The following CHAF1A variants were observed in gnomAD, a reference collection of about 807,000 sequenced individuals.
CHAF1A encodes CAF-1 subunit A.
In CHAF1A, 5 loss-of-function variants were observed where a neutral mutation model predicts 93.2. The observed-to-expected ratio is 0.05, with a 90% CI of 0.03 to 0.11. The LOEUF (loss-of-function observed/expected upper bound fraction) is 0.11. CHAF1A is among the 10% of genes least tolerant of loss of function. The pLI, the probability that CHAF1A is intolerant of heterozygous loss-of-function variation, is 1.00. For synonymous variants in CHAF1A, 504 were observed against 510.3 expected, an observed-to-expected ratio of 0.99 and a Z score of 0.17; for missense variants, 1,102 against 1,259.9, an observed-to-expected ratio of 0.87 and a Z score of 1.90.
intron 13 of CHAF1A, among the ~76,000 whole-genome samples, chr19:4,436,146 AAAAAAG>A (rs1332255453): frequency 3.1e-4 from 47 of 149,980 alleles, no homozygotes; most frequent in African/African-American, 6.8e-4. Flanking sequence ...TCCCCCAAAA[AAAAAAG>A]AAAAGAAAAG....
chr19:4,440,350 G>C (rs1482822006), intron 13 of CHAF1A, among the ~76,000 whole-genome samples: 1 of 150,916 alleles, frequency 6.6e-6, no homozygotes, highest in African/African-American at 2.4e-5. Flanking sequence ...CTCACACCTT[G>C]TCATCCCAGC....
chr19:4,430,939 T>C, intron 11 of CHAF1A: 1 of 396,404 alleles, frequency 2.5e-6, no homozygotes, highest in Non-Finnish European at 4.7e-6. Flanking sequence ...CGAGCTGACA[T>C]ACAGTCAGCA....
downstream of CHAF1A, chr19:4,446,711 C>T (rs1048806686): frequency 7.9e-5 from 127 of 1,608,626 alleles, no homozygotes; most frequent in Non-Finnish European, 1.0e-4. Flanking sequence ...TAGAACTCCT[C>T]GGGGTCCTCT....
intron 2 of CHAF1A, among the ~76,000 whole-genome samples, chr19:4,408,109 C>T (rs1027946142): frequency 1.3e-4 from 20 of 151,358 alleles, no homozygotes; most frequent in African/African-American, 4.9e-4. Flanking sequence ...TGGGCTCAAG[C>T]GATCCTCCTG....
chr19:4,405,249 TA>T (rs757017226), intron 1 of CHAF1A, among the ~76,000 whole-genome samples: 26 of 152,290 alleles, frequency 1.7e-4, no homozygotes, highest in Non-Finnish European at 3.4e-4. Context: ...AGAGACGTAA[TA>T]AACACGAAAG....
chr19:4,432,374 A>C (rs989658634), intron 12 of CHAF1A, among the ~76,000 whole-genome samples, 167 bp downstream of exon 12: 1 of 152,124 alleles, frequency 6.6e-6, no homozygotes. Context: ...TGATGTCCCT[A>C]GCAGCAGGAC....
chr19:4,448,418 G>T (rs1390656689), downstream of CHAF1A: 1 of 1,603,274 alleles, frequency 6.2e-7, no homozygotes, highest in Admixed American at 1.7e-5. Context: ...GAGAAGTGCT[G>T]GGAGGAGGGA....
chr19:4,433,575 G>T lies in CHAF1A; in HGVS notation c.2673+36G>T, dbSNP rs529206634. On this transcript the variant is annotated intron_variant, in intron 13 of 14. Coordinates refer to ENST00000301280, the MANE Select transcript of CHAF1A (RefSeq NM_005483.3). This position sits in a 1 kb window ranked among gnomAD's most constrained non-coding sequence, Gnocchi z 5.6. The stretch of plus-strand genomic sequence containing the variant: ...GTGGGCAGGTGGGGGCCTCTGCAGG[G>T]CTTTTCTTTTTTTGTTTGTTTTTTG... 26 of 1,463,070 alleles carry T rather than the reference G, an allele frequency of 1.8e-5. No homozygotes were observed. The African/African-American group carries it at 3.0e-4, about 17-fold the overall frequency. 90.6% of individuals were successfully genotyped at this position (1,463,070 alleles called of 1,614,324 possible).
At chr19:4,438,662 A>G (rs1337241448) in intron 13 of CHAF1A, among the ~76,000 whole-genome samples, 1 of 152,232 alleles carries the variant, frequency 6.6e-6, no homozygotes, top group Non-Finnish European at 1.5e-5. Context: ...CTTGCCAACA[A>G]AACATTATGT....
chr19:4,417,959 C>G, intron 3 of CHAF1A, 61 bp from the exon 4 acceptor site: 1 of 1,250,398 alleles, frequency 8.0e-7, no homozygotes, highest in Non-Finnish European at 1.1e-6. Flanking sequence ...GGAAAGGTTT[C>G]TCTTTTTCTC....
chr19:4,405,801 A>G, intron 1 of CHAF1A, 111 bp from the exon 2 acceptor site: 2 of 888,482 alleles, frequency 2.3e-6, no homozygotes, highest in Non-Finnish European at 3.7e-6. Context: ...CCCCGAGGAC[A>G]GAGGGGTCAG....
In CHAF1A at chr19:4,442,976, T is replaced by C; in HGVS notation, c.2822T>C (p.Val941Ala). 1 of 1,604,088 alleles carries C rather than the reference T, an allele frequency of 6.2e-7. No individual in the cohort carries two copies. Among genetic ancestry groups the C allele is most frequent in the Non-Finnish European group, 8.5e-7 (1 of 1,176,140 alleles). The part of the protein sequence containing the change: ...AASGAGGGVG[V>A]DTGKATLTAS... Reference sequence around the variant, plus strand: ...TCCGGAGCTGGGGGTGGTGTGGGGGTGGACACCGGCAAGGCCACCCTGACC... The same window carrying C: ...TCCGGAGCTGGGGGTGGTGTGGGGGCGGACACCGGCAAGGCCACCCTGACC... The change falls in exon 15 of 15, where the codon GTG becomes GCG. Residue 941 changes from valine to alanine, a missense_variant. By Grantham distance (64) the Val-to-Ala change is moderately conservative. Around this residue, in one of 6 missense-constraint regions of CHAF1A, gnomAD observed 119 missense variants for 102.2 expected, o/e 1.16. Coordinates refer to ENST00000301280, the MANE Select transcript of CHAF1A (RefSeq NM_005483.3).
rs149641881 is a variant in CHAF1A at position 4,429,444 on chromosome 19, C to T, written c.1611C>T (p.Val537=). 1.4e-5 allele frequency: 22 copies of T among 1,613,452 alleles called. No individual in the cohort carries two copies. The highest frequency in any genetic ancestry group is 6.7e-5 in the African/African-American group (5 of 74,822). ...TRNADIFNSD[V]VIVERGKGDG... ...CTGGGGTTTTCCTTCTCAGTGATGTCGTCATCGTGGAGCGTGGGAAGGGCG... is the reference window on the plus strand; with the variant it reads ...CTGGGGTTTTCCTTCTCAGTGATGTTGTCATCGTGGAGCGTGGGAAGGGCG... Residue 537 remains valine (V), a synonymous_variant, in exon 9 of 15, where the codon GTC becomes GTT. Transcript: ENST00000301280.
At chr19:4,440,587 A>G (rs760378241) in intron 13 of CHAF1A, among the ~76,000 whole-genome samples, 6 of 152,020 alleles carry the variant, frequency 3.9e-5, no homozygotes, top group Non-Finnish European at 5.9e-5. Flanking sequence ...ATAATAATTC[A>G]CAAGTCACAG....
chr19:4,431,825 G>A, intron 11 of CHAF1A, 127 bp from the exon 12 acceptor site: 1 of 1,206,010 alleles, frequency 8.3e-7, no homozygotes, highest in East Asian at 2.4e-5. Flanking sequence ...CCCTGACACT[G>A]TGGGAAGTTT....
chr19:4,441,490 C>A (rs1042599229), intron 13 of CHAF1A, among the ~76,000 whole-genome samples: 2 of 151,950 alleles, frequency 1.3e-5, no homozygotes, highest in Non-Finnish European at 2.9e-5. Flanking sequence ...CACCTGTAAT[C>A]CCAGCTACTC....
At chr19:4,447,017 G>C, downstream of CHAF1A, 1 of 1,257,578 alleles carries the variant, frequency 8.0e-7, no homozygotes, top group Non-Finnish European at 1.1e-6. Context: ...GCTATTGGGA[G>C]CAGCTGTCGA....
Position 4,428,737 on chromosome 19 carries a change from G to A in CHAF1A, c.1451G>A (p.Arg484Gln), listed in dbSNP as rs1974128204. The A allele has an allele frequency of 6.2e-7, 1 of 1,614,120 alleles. No individual in the cohort carries two copies. Among genetic ancestry groups the A allele is most frequent in the East Asian group, 2.2e-5 (1 of 44,870 alleles). ...CACATGGTCCTGGCCCCTCGGCGTCGGACCGCTTTCCATCCAGACCTCTGC... is the reference window on the plus strand; with the variant it reads ...CACATGGTCCTGGCCCCTCGGCGTCAGACCGCTTTCCATCCAGACCTCTGC... The part of the protein sequence containing the change: ...KEHMVLAPRR[R>Q]TAFHPDLCSQ... Residue 484 changes from arginine to glutamine, a missense_variant, in exon 8 of 15, where the codon CGG becomes CAG. Coordinates refer to ENST00000301280, the MANE Select transcript of CHAF1A (RefSeq NM_005483.3).
intron 13 of CHAF1A, among the ~76,000 whole-genome samples, chr19:4,440,999 T>TAA (rs71166997): frequency 4.5e-5 from 6 of 132,730 alleles, no homozygotes; most frequent in East Asian, 4.2e-4. Flanking sequence ...GGGCACCTGT[T>TAA]AAAAAAAAAA....
Sources: gnomAD v4.1 joint callset for allele counts (sites outside exome capture counted in the v4.1 genomes callset) on GRCh38, gnomAD v4.1.1 for gene constraint, gnomAD v4.1.1 regional missense constraint, Gnocchi (gnomAD v3.1) non-coding constraint, MANE v1.5 for transcripts, NCBI Gene and HGNC (gene_info 2026-07-23, HGNC 2026-07-21) for gene names.